TRAPPC9: variants seen among roughly 807,000 people sequenced by gnomAD.
The protein encoded by TRAPPC9 is IKK2 binding protein.
TRAPPC9 carries 83 observed loss-of-function variants against 124.0 expected under a neutral mutation model. The ratio of observed to expected loss-of-function variants is 0.67; its 90% CI spans 0.56 to 0.80. The LOEUF (loss-of-function observed/expected upper bound fraction) is 0.80. TRAPPC9 is among the 30% of genes least tolerant of loss of function. TRAPPC9 has a pLI of 0.00. For synonymous variants in TRAPPC9, 638 were observed against 617.5 expected, an observed-to-expected ratio of 1.03 and a Z score of -0.49; for missense variants, 1,302 against 1,508.3, an observed-to-expected ratio of 0.86 and a Z score of 2.27.
chr8:139,855,963 G>A (rs1827775443), intron 21 of TRAPPC9, among the ~76,000 whole-genome samples: 1 of 152,190 alleles, frequency 6.6e-6, no homozygotes, highest in African/African-American at 2.4e-5. Context: ...ATAGAATTGG[G>A]TTCAAATTCT....
chr8:139,841,877 G>T (rs1169952381), intron 21 of TRAPPC9, among the ~76,000 whole-genome samples: 1 of 152,214 alleles, frequency 6.6e-6, no homozygotes, highest in Non-Finnish European at 1.5e-5. Context: ...ACAACACAGG[G>T]AACTTCTGAA....
chr8:140,014,090 C>A (rs904792544), intron 18 of TRAPPC9, among the ~76,000 whole-genome samples: 2 of 152,156 alleles, frequency 1.3e-5, no homozygotes, highest in African/African-American at 2.4e-5. Flanking sequence ...GGTGAGCTGT[C>A]CCCACCACAC....
chr8:140,330,315 C>T (rs2066863123), intron 9 of TRAPPC9, among the ~76,000 whole-genome samples: 1 of 152,068 alleles, frequency 6.6e-6, no homozygotes, highest in African/African-American at 2.4e-5. Flanking sequence ...AAGTCACATG[C>T]CACCACTATA....
intron 1 of TRAPPC9, among the ~76,000 whole-genome samples, chr8:140,453,859 T>C (rs1249440805): frequency 6.6e-6 from 1 of 152,324 alleles, no homozygotes; most frequent in East Asian, 1.9e-4. Flanking sequence ...ATCAAAATAC[T>C]GAGCGGGGGA....
intron 17 of TRAPPC9, among the ~76,000 whole-genome samples, chr8:140,200,718 C>T (rs1167865823): frequency 6.6e-6 from 1 of 151,966 alleles, no homozygotes; most frequent in Admixed American, 6.6e-5. Flanking sequence ...CTAAGAAGAC[C>T]CGGAGGATAG....
At chr8:139,897,840 CAGG>C (rs1830760252) in intron 20 of TRAPPC9, among the ~76,000 whole-genome samples, 1 of 152,250 alleles carries the variant, frequency 6.6e-6, no homozygotes, top group African/African-American at 2.4e-5. Flanking sequence ...GTGACGGGGT[CAGG>C]AGCTCACCTT....
intron 17 of TRAPPC9, among the ~76,000 whole-genome samples, chr8:140,080,284 T>C (rs1237090274): frequency 1.3e-5 from 2 of 152,242 alleles, no homozygotes; most frequent in Non-Finnish European, 2.9e-5. Context: ...TCACTTGTGA[T>C]GCACAACAGC....
chr8:139,748,628 C>A (rs1586755880), intron 21 of TRAPPC9, among the ~76,000 whole-genome samples: 1 of 151,964 alleles, frequency 6.6e-6, no homozygotes, highest in Non-Finnish European at 1.5e-5. Flanking sequence ...GTTTTCTGTG[C>A]CGGGCCTTGC....
intron 17 of TRAPPC9, among the ~76,000 whole-genome samples, chr8:140,072,529 G>A (rs114871996): frequency 0.45 from 56,979 of 126,888 alleles, 12,320 homozygotes; most frequent in Middle Eastern, 0.58. Flanking sequence ...AAAAAAAAAG[G>A]AGGAGGAGGA....
intron 9 of TRAPPC9, among the ~76,000 whole-genome samples, chr8:140,348,330 GATACAACAAACAAACCTGC>G (rs1456787318): frequency 1.3e-5 from 2 of 152,208 alleles, no homozygotes; most frequent in Non-Finnish European, 2.9e-5. Context: ...ACATAAAAGA[GATACAACAAACAAACCTGC>G]AGAAAAAATC....
At chr8:139,862,266 C>T (rs1455481778) in intron 21 of TRAPPC9, among the ~76,000 whole-genome samples, 2 of 152,254 alleles carry the variant, frequency 1.3e-5, no homozygotes, top group African/African-American at 2.4e-5. Flanking sequence ...TGCCCTGCCC[C>T]ACCAGGTCTC....
At chr8:139,840,951 G>A (rs2130885798) in intron 21 of TRAPPC9, among the ~76,000 whole-genome samples, 1 of 152,314 alleles carries the variant, frequency 6.6e-6, no homozygotes, top group African/African-American at 2.4e-5. Flanking sequence ...GGGTCTGGGA[G>A]GTACAAAGGG....
rs1015396144 is a variant in TRAPPC9 at position 139,742,269 on chromosome 8, G to A, written c.3056-10067C>T. Among the ~76,000 whole-genome samples, 4 of 152,164 alleles carry A rather than the reference G, an allele frequency of 2.6e-5. No individual in the cohort carries two copies. Among genetic ancestry groups the A allele is most frequent in the Non-Finnish European group, 5.9e-5 (4 of 68,034 alleles). On this transcript the variant is annotated intron_variant, in intron 21 of 22. Coordinates refer to ENST00000438773, the MANE Select transcript of TRAPPC9 (RefSeq NM_001160372.4). The surrounding 1 kb of genome is among the most constrained non-coding windows in gnomAD (Gnocchi z 4.7). ...GCGTTCTCCCGATCTACCCCCAACC[G>A]GCCATGCTGCCGGCGCTCACTGCTC... is the stretch of plus-strand genomic sequence containing the variant.
intron 17 of TRAPPC9, among the ~76,000 whole-genome samples, chr8:140,195,006 A>C (rs1372649265): frequency 6.6e-6 from 1 of 152,172 alleles, no homozygotes; most frequent in Non-Finnish European, 1.5e-5. Flanking sequence ...TCTACTGTAC[A>C]GATCACACCT....
intron 7 of TRAPPC9, among the ~76,000 whole-genome samples, chr8:140,379,323 AT>A (rs2068536296): frequency 6.6e-6 from 1 of 151,914 alleles, no homozygotes; most frequent in Non-Finnish European, 1.5e-5. Context: ...TGTCCTTCCC[AT>A]CCTCTTCCAT....
At chr8:140,150,922 G>A (rs1379191842) in intron 17 of TRAPPC9, among the ~76,000 whole-genome samples, 2 of 152,238 alleles carry the variant, frequency 1.3e-5, no homozygotes, top group African/African-American at 4.8e-5. Flanking sequence ...GACACCACAG[G>A]TCTGTAGGGA....
intron 21 of TRAPPC9, among the ~76,000 whole-genome samples, chr8:139,822,228 C>G (rs1195706148): frequency 6.6e-6 from 1 of 152,136 alleles, no homozygotes; most frequent in East Asian, 1.9e-4. Flanking sequence ...GCATCTACTC[C>G]AGGCCAAACA....
chr8:140,014,659 G>C (rs1431574006), intron 18 of TRAPPC9, among the ~76,000 whole-genome samples: 1 of 152,180 alleles, frequency 6.6e-6, no homozygotes, highest in Non-Finnish European at 1.5e-5. Flanking sequence ...TCCAGCGGCA[G>C]AATAGACACC....
chr8:139,822,629 G>GGC (rs1554650034), intron 21 of TRAPPC9, among the ~76,000 whole-genome samples: 3 of 152,136 alleles, frequency 2.0e-5, no homozygotes, highest in African/African-American at 4.8e-5. Context: ...GATGGCGGGG[G>GGC]GGGGCTGCCT....
Sources: gnomAD v4.1 joint callset for allele counts (sites outside exome capture counted in the v4.1 genomes callset) on GRCh38, gnomAD v4.1.1 for gene constraint, Gnocchi (gnomAD v3.1) non-coding constraint, MANE v1.5 for transcripts, NCBI Gene and HGNC (gene_info 2026-07-23, HGNC 2026-07-21) for gene names.